TMEM178B: variants seen among roughly 807,000 people sequenced by gnomAD.
TMEM178B encodes the protein transmembrane protein 178B.
A neutral mutation model predicts 31.0 loss-of-function variants in TMEM178B; 5 were observed. That is an observed-to-expected ratio of 0.16 (90% CI 0.08 to 0.34). The LOEUF (loss-of-function observed/expected upper bound fraction) is 0.34, where lower values mean the gene tolerates loss of function less well. TMEM178B is among the 10% of genes least tolerant of loss of function. The probability of loss-of-function intolerance (pLI) is 1.00; values close to 1 mark genes in which losing one functional copy is unlikely to be tolerated. For missense variants in TMEM178B, 275 were observed against 400.3 expected, an observed-to-expected ratio of 0.69 and a Z score of 2.67; for synonymous variants, 164 against 164.0, an observed-to-expected ratio of 1.00 and a Z score of 0.00.
At chr7:141,209,020 G>A (rs1331393544) in intron 1 of TMEM178B, among the ~76,000 whole-genome samples, 1 of 152,188 alleles carries the variant, frequency 6.6e-6, no homozygotes, top group Admixed American at 6.5e-5. Flanking sequence ...CCTTCTGGCA[G>A]GGGCAGCCCC....
chr7:141,448,119 C>G (rs940057508), intron 3 of TMEM178B, among the ~76,000 whole-genome samples: 4 of 152,026 alleles, frequency 2.6e-5, no homozygotes, highest in African/African-American at 7.3e-5. Flanking sequence ...AATAATCACA[C>G]AAAGCATGTG....
intron 1 of TMEM178B, among the ~76,000 whole-genome samples, chr7:141,076,652 G>A (rs1411911594): frequency 6.6e-6 from 1 of 152,160 alleles, no homozygotes; most frequent in Non-Finnish European, 1.5e-5. Flanking sequence ...GCTGGAAACA[G>A]AGACAGGGAA....
At chr7:141,263,479 C>T (rs1214644736) in intron 2 of TMEM178B, among the ~76,000 whole-genome samples, 1 of 152,144 alleles carries the variant, frequency 6.6e-6, no homozygotes, top group East Asian at 1.9e-4. Context: ...GATAGGACCT[C>T]TCCCATATTG....
intron 3 of TMEM178B, among the ~76,000 whole-genome samples, chr7:141,462,942 A>C (rs1802083784): frequency 6.6e-6 from 1 of 152,128 alleles, no homozygotes; most frequent in Non-Finnish European, 1.5e-5. Context: ...CAGTCATCAA[A>C]GGAAGCATGT....
chr7:141,145,206 C>T (rs1276498919), intron 1 of TMEM178B, among the ~76,000 whole-genome samples: 1 of 152,146 alleles, frequency 6.6e-6, no homozygotes. Context: ...GGCCTTGGGC[C>T]ATGCTGCTGC....
rs189268556 is a variant in TMEM178B at position 141,450,573 on chromosome 7, T to A, written c.634+12828T>A. ...TCCACCATTCTTGGGGCAGGAAGTT[T>A]GTGGTCACCCAAAAAGGGGGGAAAG... On this transcript the variant is annotated intron_variant, in intron 3 of 3. Transcript: ENST00000565468. Among the ~76,000 whole-genome samples the A allele has an allele frequency of 2.0e-3, 309 of 152,310 alleles. 3 individuals are homozygous for A. Among genetic ancestry groups the A allele is most frequent in the African/African-American group, 6.8e-3 (281 of 41,568 alleles).
Position 141,461,351 on chromosome 7 carries a change from A to G in TMEM178B, c.635-9185A>G, listed in dbSNP as rs1470059928. 6.6e-6 allele frequency among the ~76,000 whole-genome samples: 1 copy of G among 152,252 alleles called. No individual in the cohort carries two copies. The highest frequency in any genetic ancestry group is 2.4e-5 in the African/African-American group (1 of 41,472). ...GAGGAAGCCAGGATTGGGGATCCGC[A>G]GACACCGTTCCACATTCCTGGGAGC... On this transcript the variant is annotated intron_variant, in intron 3 of 3. Transcript: ENST00000565468. This position sits in a 1 kb window ranked among gnomAD's most constrained non-coding sequence, Gnocchi z 4.0.
intron 2 of TMEM178B, among the ~76,000 whole-genome samples, chr7:141,358,950 C>G (rs897653730): frequency 1.3e-5 from 2 of 152,202 alleles, no homozygotes; most frequent in Non-Finnish European, 2.9e-5. Context: ...CACCCACTCA[C>G]CTCTGTACGT....
chr7:141,426,696 C>T (rs1801323088), intron 2 of TMEM178B, among the ~76,000 whole-genome samples: 1 of 152,082 alleles, frequency 6.6e-6, no homozygotes, highest in African/African-American at 2.4e-5. Flanking sequence ...AAAGCTCCAA[C>T]TCATGTACTT....
At chr7:141,499,400 G>A in the TMEM178B span, among the ~76,000 whole-genome samples, 1 of 150,558 alleles carries the variant, frequency 6.6e-6, no homozygotes, top group African/African-American at 2.5e-5. Flanking sequence ...GGCCAAGGTG[G>A]GAGGATTGGT....
chr7:141,480,601 A>G (rs1802457303), downstream of TMEM178B, among the ~76,000 whole-genome samples: 1 of 152,266 alleles, frequency 6.6e-6, no homozygotes, highest in Non-Finnish European at 1.5e-5. Flanking sequence ...GGAAGGAGAA[A>G]AAATGGAGAG....
At chr7:141,431,400 G>C (rs1403230187) in intron 2 of TMEM178B, 1 of 152,112 alleles carries the variant, frequency 6.6e-6, no homozygotes, top group Non-Finnish European at 1.5e-5. Context: ...AGGGAGAACA[G>C]CTTTTTCTGG....
At chr7:141,112,478 T>C (rs1340813136) in intron 1 of TMEM178B, among the ~76,000 whole-genome samples, 2 of 152,200 alleles carry the variant, frequency 1.3e-5, no homozygotes, top group East Asian at 3.8e-4. Flanking sequence ...GGTCTCAAAC[T>C]TGTGGACTCA....
chr7:141,151,554 T>C (rs1297416147), intron 1 of TMEM178B, among the ~76,000 whole-genome samples: 3 of 152,122 alleles, frequency 2.0e-5, no homozygotes, highest in Non-Finnish European at 4.4e-5. Flanking sequence ...CGGTGGATCC[T>C]GTGGTCAGAC....
intron 2 of TMEM178B, among the ~76,000 whole-genome samples, chr7:141,297,884 G>T (rs1401293307): frequency 3.9e-5 from 6 of 152,212 alleles, no homozygotes; most frequent in African/African-American, 1.4e-4. Flanking sequence ...TAATAGGATG[G>T]CTGGGTCAAA....
intron 2 of TMEM178B, among the ~76,000 whole-genome samples, chr7:141,306,042 G>A (rs189202709): frequency 2.8e-4 from 42 of 152,244 alleles, no homozygotes; most frequent in African/African-American, 9.1e-4. Context: ...TGTATACCAC[G>A]TAGCATCCGG....
At chr7:141,394,165 C>G (rs569916160) in intron 2 of TMEM178B, among the ~76,000 whole-genome samples, 5 of 152,268 alleles carry the variant, frequency 3.3e-5, no homozygotes, top group African/African-American at 9.6e-5. Flanking sequence ...CTAACAATCA[C>G]AGCCGTGCCC....
rs1254670537 is a variant in TMEM178B, at chr7:141,340,739, GA to G, written c.497-96866del. On this transcript the variant is annotated intron_variant, in intron 2 of 3. Transcript: ENST00000565468. ...GAAAAGAAATATCATACCTTGACAT[GA>G]AACTGTACCTGATCGTTTGGTGGGT... 5.9e-5 allele frequency among the ~76,000 whole-genome samples: 9 copies of G among 152,272 alleles called. No homozygotes were observed. The South Asian group carries it at 1.9e-3, about 32-fold the overall frequency.
At chr7:141,090,179 A>C (rs570292384) in intron 1 of TMEM178B, among the ~76,000 whole-genome samples, 1 of 152,218 alleles carries the variant, frequency 6.6e-6, no homozygotes. Context: ...TGGACCTTTA[A>C]ATTTTTTAAA....
Sources: allele counts gnomAD v4.1 joint callset (sites outside exome capture counted in the v4.1 genomes callset), GRCh38; gene constraint gnomAD v4.1.1; non-coding constraint Gnocchi (gnomAD v3.1); transcripts MANE v1.5; gene names NCBI Gene and HGNC (gene_info 2026-07-23, HGNC 2026-07-21).